The following MYRIP variants were observed in gnomAD, a reference collection of about 807,000 sequenced individuals.
MYRIP encodes the protein myosin VIIA and Rab interacting protein, also known as rab effector MyRIP.
In MYRIP, 49 loss-of-function variants were observed where a neutral mutation model predicts 98.0. That is an observed-to-expected ratio of 0.50 (90% CI 0.40 to 0.63). MYRIP has a LOEUF of 0.63. Among genes scored for constraint, MYRIP ranks in the 30% least tolerant of loss-of-function variants. The pLI, the probability that MYRIP is intolerant of heterozygous loss-of-function variation, is 0.00. For missense variants in MYRIP, 1,004 were observed against 1,058.2 expected (o/e 0.95, Z 0.71); for synonymous variants, 404 against 409.5 (o/e 0.99, Z 0.16).
chr3:39,978,289 C>T (rs1385158620), intron 2 of MYRIP, among the ~76,000 whole-genome samples: 1 of 152,226 alleles, frequency 6.6e-6, no homozygotes, highest in Non-Finnish European at 1.5e-5. Flanking sequence ...ACTCCTGTGA[C>T]ACTGGAAGTT....
chr3:39,845,602 G>A (rs928082281), intron 1 of MYRIP, among the ~76,000 whole-genome samples: 1 of 152,100 alleles, frequency 6.6e-6, no homozygotes, highest in East Asian at 1.9e-4. Flanking sequence ...TAACATCACT[G>A]TGGCAGGACT....
intron 2 of MYRIP, among the ~76,000 whole-genome samples, chr3:39,902,488 C>G (rs1943765718): frequency 6.6e-6 from 1 of 152,174 alleles, no homozygotes; most frequent in Non-Finnish European, 1.5e-5. Flanking sequence ...AGAACCATGT[C>G]TTGATCAGTT....
intron 2 of MYRIP, among the ~76,000 whole-genome samples, chr3:39,963,039 G>A (rs545902294): frequency 1.3e-5 from 2 of 152,220 alleles, no homozygotes; most frequent in Admixed American, 6.6e-5. Flanking sequence ...GCTCATGTAC[G>A]AGAAGGGGCT....
chr3:40,176,908 C>A (rs1411832764), intron 8 of MYRIP, among the ~76,000 whole-genome samples: 430 of 108,916 alleles, frequency 3.9e-3, no homozygotes, highest in African/African-American at 5.7e-3. Flanking sequence ...AACTCCATCT[C>A]AAAAAAAAAA....
In MYRIP at chr3:40,066,247, A is replaced by G. The variant is rs539403012; in HGVS notation, c.332+21976A>G. ...TGCAACTTTTTACTGCCCTTGTATC[A>G]GGTGAATATGGAAGATTCTGTCTTG... On this transcript the variant is annotated intron_variant, in intron 3 of 16. Transcript: ENST00000302541. 5.3e-5 allele frequency among the ~76,000 whole-genome samples: 8 copies of G among 152,320 alleles called. No homozygotes were observed. The East Asian group carries it at 1.4e-3, about 26-fold the overall frequency.
intron 3 of MYRIP, among the ~76,000 whole-genome samples, chr3:40,087,969 C>T (rs1290363443): frequency 6.6e-6 from 1 of 152,066 alleles, no homozygotes; most frequent in Non-Finnish European, 1.5e-5. Flanking sequence ...GACAGGAGAC[C>T]CTATGCTATA....
At chr3:39,967,877 T>C (rs574904876) in intron 2 of MYRIP, among the ~76,000 whole-genome samples, 36 of 152,340 alleles carry the variant, frequency 2.4e-4, no homozygotes, top group African/African-American at 7.9e-4. Flanking sequence ...CCACACGTTA[T>C]GTCTTCTTTT....
chr3:40,217,877 C>T (rs1246683328), intron 11 of MYRIP, among the ~76,000 whole-genome samples: 1 of 151,974 alleles, frequency 6.6e-6, no homozygotes, highest in African/African-American at 2.4e-5. Flanking sequence ...ATAAAAATTA[C>T]CAATATTAGA....
At chr3:40,197,026 G>A (rs1278909436) in intron 10 of MYRIP, among the ~76,000 whole-genome samples, 2 of 152,078 alleles carry the variant, frequency 1.3e-5, no homozygotes, top group Non-Finnish European at 2.9e-5. Context: ...ACCTTTGCAC[G>A]CTGAGCCTCT....
chr3:40,001,011 C>T (rs1946506566), intron 2 of MYRIP, among the ~76,000 whole-genome samples: 1 of 152,150 alleles, frequency 6.6e-6, no homozygotes, highest in African/African-American at 2.4e-5. Flanking sequence ...TGACAGTGGA[C>T]TGCTGCTGGT....
intron 3 of MYRIP, among the ~76,000 whole-genome samples, chr3:40,098,321 G>A (rs762074245): frequency 1.1e-4 from 16 of 152,148 alleles, no homozygotes; most frequent in Non-Finnish European, 2.1e-4. Flanking sequence ...TGCATATGTG[G>A]TATGAACCCA....
chr3:39,878,534 G>A (rs1307047145), intron 1 of MYRIP, among the ~76,000 whole-genome samples: 1 of 151,932 alleles, frequency 6.6e-6, no homozygotes. Context: ...AGAAGGTGTT[G>A]AATGAACATT....
chr3:40,247,162 T>A (rs1421875025), intron 13 of MYRIP, among the ~76,000 whole-genome samples: 1 of 152,192 alleles, frequency 6.6e-6, no homozygotes, highest in Non-Finnish European at 1.5e-5. Context: ...TATTGGATAG[T>A]TATTCCCCCT....
chr3:39,977,887 G>T (rs1054510882), intron 2 of MYRIP, among the ~76,000 whole-genome samples: 1 of 152,064 alleles, frequency 6.6e-6, no homozygotes, highest in African/African-American at 2.4e-5. Context: ...GCTTTCCCCC[G>T]CTTTGGGTTT....
chr3:40,066,342 A>C (rs1168822242), intron 3 of MYRIP, among the ~76,000 whole-genome samples: 1 of 152,104 alleles, frequency 6.6e-6, no homozygotes, highest in East Asian at 1.9e-4. Flanking sequence ...GTTAAGGGGA[A>C]CCTCTCCTCA....
chr3:39,889,191 A>G (rs1454121771), intron 1 of MYRIP, among the ~76,000 whole-genome samples: 1 of 152,250 alleles, frequency 6.6e-6, no homozygotes, highest in African/African-American at 2.4e-5. Flanking sequence ...ATATACCTAA[A>G]GGAGTATAAA....
At chr3:39,913,388 T>A (rs1311115239) in intron 2 of MYRIP, among the ~76,000 whole-genome samples, 1 of 152,120 alleles carries the variant, frequency 6.6e-6, no homozygotes, top group African/African-American at 2.4e-5. Context: ...ACAAAGATAT[T>A]TGGGTAATTT....
At chr3:40,138,438 T>C (rs1344021422) in intron 3 of MYRIP, among the ~76,000 whole-genome samples, 3 of 152,240 alleles carry the variant, frequency 2.0e-5, no homozygotes, top group Admixed American at 6.5e-5. Context: ...TTGGTAAATT[T>C]TGAAGGTTTG....
intron 1 of MYRIP, among the ~76,000 whole-genome samples, chr3:39,863,407 A>G (rs1942527705): frequency 6.6e-6 from 1 of 152,058 alleles, no homozygotes; most frequent in African/African-American, 2.4e-5. Flanking sequence ...CACCACCTAG[A>G]CTGATAAAGA....
Sources: gnomAD v4.1 joint callset for allele counts (sites outside exome capture counted in the v4.1 genomes callset) on GRCh38, gnomAD v4.1.1 for gene constraint, MANE v1.5 for transcripts, NCBI Gene and HGNC (gene_info 2026-07-23, HGNC 2026-07-21) for gene names.